The following HOMER1 variants were observed in gnomAD, a reference collection of about 807,000 sequenced individuals.
HOMER1 encodes homer scaffold protein 1.
In HOMER1, 3 loss-of-function variants were observed where a neutral mutation model predicts 48.9. The observed-to-expected ratio is 0.06, with a 90% CI of 0.03 to 0.16. The LOEUF (loss-of-function observed/expected upper bound fraction) is 0.16. Ranked by LOEUF, HOMER1 falls within the 10% of genes least tolerant of loss-of-function variation. HOMER1 has a pLI of 1.00. For missense variants in HOMER1, 247 were observed against 411.4 expected (o/e 0.60, Z 3.46); for synonymous variants, 134 against 146.4 (o/e 0.92, Z 0.61).
intron 5 of HOMER1, among the ~76,000 whole-genome samples, chr5:79,434,324 T>A (rs571591638): frequency 2.8e-4 from 43 of 151,468 alleles, no homozygotes; most frequent in African/African-American, 9.7e-4. Context: ...TAAATCTTTT[T>A]AAAAAAATCT....
intron 1 of HOMER1, among the ~76,000 whole-genome samples, chr5:79,502,298 G>C (rs1425544123): frequency 6.6e-6 from 1 of 152,022 alleles, no homozygotes; most frequent in African/African-American, 2.4e-5. Flanking sequence ...GATTACAGAC[G>C]TGAGCCACCG....
intron 5 of HOMER1, among the ~76,000 whole-genome samples, chr5:79,417,513 G>A (rs1349726379): frequency 6.6e-6 from 1 of 152,184 alleles, no homozygotes; most frequent in African/African-American, 2.4e-5. Flanking sequence ...AATGATGTTA[G>A]ACTATTCCAC....
At chr5:79,414,265 G>GT (rs34592197) in intron 5 of HOMER1, among the ~76,000 whole-genome samples, 121 of 148,352 alleles carry the variant, frequency 8.2e-4, no homozygotes, top group Middle Eastern at 3.4e-3. Context: ...TTTTGTTTTT[G>GT]TTTTTTTTTT....
intron 5 of HOMER1, among the ~76,000 whole-genome samples, chr5:79,407,608 C>T (rs1749700079): frequency 6.6e-6 from 1 of 151,858 alleles, no homozygotes; most frequent in Non-Finnish European, 1.5e-5. Context: ...AGTCGGTGAA[C>T]ATGGAAACAG....
At chr5:79,470,169 G>C (rs1266413192) in intron 1 of HOMER1, among the ~76,000 whole-genome samples, 1 of 152,036 alleles carries the variant, frequency 6.6e-6, no homozygotes, top group African/African-American at 2.4e-5. Flanking sequence ...TAGATAAACG[G>C]GCATCTTAAC....
At chr5:79,410,679 T>C (rs1417924908) in intron 5 of HOMER1, among the ~76,000 whole-genome samples, 1 of 151,222 alleles carries the variant, frequency 6.6e-6, no homozygotes, top group Non-Finnish European at 1.5e-5. Flanking sequence ...TACCTCTCAA[T>C]AGTTTGCACA....
intron 4 of HOMER1, among the ~76,000 whole-genome samples, chr5:79,446,485 A>G (rs1750886334): frequency 6.6e-6 from 1 of 152,188 alleles, no homozygotes; most frequent in Non-Finnish European, 1.5e-5. Flanking sequence ...TTTGACTATC[A>G]CATGATCTTT....
chr5:79,418,171 G>A (rs571662542), intron 5 of HOMER1, among the ~76,000 whole-genome samples: 41 of 152,316 alleles, frequency 2.7e-4, no homozygotes, highest in Non-Finnish European at 5.0e-4. Context: ...TATAAGCTAT[G>A]TAAATAATAT....
At chr5:79,453,065 A>G (rs4463168) in intron 2 of HOMER1, among the ~76,000 whole-genome samples, 32,313 of 152,204 alleles carry the variant, frequency 0.21, 3,548 homozygotes, top group South Asian at 0.35. Context: ...GAGGGGCAAT[A>G]TAATTGGAAA....
chr5:79,479,772 AATCT>A (rs1751894359), intron 1 of HOMER1, among the ~76,000 whole-genome samples: 1 of 152,132 alleles, frequency 6.6e-6, no homozygotes, highest in South Asian at 2.1e-4. Context: ...ATCCAGTTAA[AATCT>A]ATCAACTCTC....
At chr5:79,504,359 G>C (rs1165868573) in intron 1 of HOMER1, among the ~76,000 whole-genome samples, 2 of 144,768 alleles carry the variant, frequency 1.4e-5, no homozygotes, top group Non-Finnish European at 3.0e-5. Context: ...ATGAGACAGT[G>C]ATTCATAACA....
chr5:79,418,059 G>C (rs1749991986), intron 5 of HOMER1, among the ~76,000 whole-genome samples: 1 of 152,150 alleles, frequency 6.6e-6, no homozygotes, highest in African/African-American at 2.4e-5. Flanking sequence ...TTGAAGAGGA[G>C]GCCAGAATCA....
At chr5:79,468,128 T>C (rs1237982401) in intron 1 of HOMER1, among the ~76,000 whole-genome samples, 2 of 152,146 alleles carry the variant, frequency 1.3e-5, no homozygotes, top group African/African-American at 4.8e-5. Flanking sequence ...AATTACACTA[T>C]CCAGTATGGT....
At chr5:79,425,855 C>T (rs1750233899) in intron 5 of HOMER1, among the ~76,000 whole-genome samples, 1 of 151,828 alleles carries the variant, frequency 6.6e-6, no homozygotes, top group African/African-American at 2.4e-5. Flanking sequence ...GTGAGTAAAG[C>T]ACACCCTAAA....
intron 8 of HOMER1, among the ~76,000 whole-genome samples, chr5:79,388,733 A>T (rs1749178022): frequency 6.6e-6 from 1 of 152,088 alleles, no homozygotes; most frequent in African/African-American, 2.4e-5. Context: ...CCCAAGGAAA[A>T]ATAGATTTGA....
chr5:79,439,233 GA>G, intron 4 of HOMER1, 84 bp from the exon 5 acceptor site: 1 of 1,314,560 alleles, frequency 7.6e-7, no homozygotes, highest in East Asian at 2.3e-5. Flanking sequence ...AACTGCCTTT[GA>G]TGTATGCTTA....
rs183661849 is a variant in HOMER1 at position 79,490,279 on chromosome 5, T to C, written c.5+22491A>G. ...CATATTTTTAGGTAATATGAGCTTCTTTTATTTATTTTTTTTATTAACTGT... is the reference window on the plus strand; with the variant it reads ...CATATTTTTAGGTAATATGAGCTTCCTTTATTTATTTTTTTTATTAACTGT... On this transcript the variant is annotated intron_variant, in intron 1 of 8. Transcript: ENST00000334082. Among the ~76,000 whole-genome samples the C allele has an allele frequency of 3.2e-3, 485 of 152,344 alleles. 1 individual carries two copies. The highest frequency in any genetic ancestry group is 0.011 in the African/African-American group (466 of 41,580).
At chr5:79,425,281 T>C (rs1181201203) in intron 5 of HOMER1, among the ~76,000 whole-genome samples, 1 of 151,820 alleles carries the variant, frequency 6.6e-6, no homozygotes, top group East Asian at 1.9e-4. Context: ...GGAGAACTGA[T>C]CTTTTCTGTC....
At position 79,458,842 on chromosome 5, in the gene HOMER1, G is replaced by C. The variant is rs565555580; in HGVS notation, c.6-1824C>G. On this transcript the variant is annotated intron_variant, in intron 1 of 8. Transcript: ENST00000334082. The stretch of plus-strand genomic sequence containing the variant: ...ATGATGAACTCTGAATTGGGAATAC[G>C]TCTTATTCATTCCCTCTTTCCCCAT... Among the ~76,000 whole-genome samples, 46 of 152,216 alleles carry C rather than the reference G, an allele frequency of 3.0e-4. 1 individual carries two copies. The highest frequency in any genetic ancestry group is 2.9e-3 in the Admixed American group (45 of 15,296).
Sources: allele counts gnomAD v4.1 joint callset (sites outside exome capture counted in the v4.1 genomes callset), GRCh38; gene constraint gnomAD v4.1.1; transcripts MANE v1.5; gene names NCBI Gene and HGNC (gene_info 2026-07-23, HGNC 2026-07-21).